Variants in SGCZ observed in about 807,000 individuals in gnomAD.
The protein encoded by SGCZ is zeta-sarcoglycan.
In SGCZ, 40 loss-of-function variants were observed where a neutral mutation model predicts 41.3. The ratio of observed to expected loss-of-function variants is 0.97; its 90% CI spans 0.75 to 1.26. The LOEUF (loss-of-function observed/expected upper bound fraction) is 1.26. Among genes scored for constraint, SGCZ ranks in the 50% most tolerant of loss-of-function variants. The pLI is 0.00. For missense variants in SGCZ, 552 were observed against 369.8 expected (o/e 1.49, Z -4.04); for synonymous variants, 206 against 137.5 (o/e 1.50, Z -3.49).
At chr8:14,781,258 G>T (rs1468023569) in intron 1 of SGCZ, among the ~76,000 whole-genome samples, 5 of 152,008 alleles carry the variant, frequency 3.3e-5, no homozygotes, top group Non-Finnish European at 5.9e-5. Context: ...TTGAGACAAG[G>T]TCTCATTGTG....
intron 1 of SGCZ, among the ~76,000 whole-genome samples, chr8:14,619,972 G>T (rs565147255): frequency 3.3e-5 from 5 of 152,124 alleles, no homozygotes; most frequent in Non-Finnish European, 7.3e-5. Context: ...AAAAGGGCCC[G>T]CATTGCCAAG....
intron 1 of SGCZ, among the ~76,000 whole-genome samples, chr8:14,657,918 A>C (rs1807626808): frequency 6.6e-6 from 1 of 152,156 alleles, no homozygotes; most frequent in African/African-American, 2.4e-5. Context: ...TCAAATGTAG[A>C]ATTATTTACT....
At chr8:14,738,242 C>G (rs1169922705) in intron 1 of SGCZ, among the ~76,000 whole-genome samples, 3 of 152,000 alleles carry the variant, frequency 2.0e-5, no homozygotes, top group African/African-American at 7.2e-5. Context: ...ATCATCTTAT[C>G]TAATTGACAA....
chr8:15,208,250 C>T (rs1801132020), intron 1 of SGCZ, among the ~76,000 whole-genome samples: 1 of 152,140 alleles, frequency 6.6e-6, no homozygotes, highest in Admixed American at 6.5e-5. Context: ...CAGAACCAGG[C>T]TAGTGATGCC....
chr8:15,123,128 C>T (rs145900009), intron 1 of SGCZ, among the ~76,000 whole-genome samples: 2 of 152,236 alleles, frequency 1.3e-5, no homozygotes, highest in East Asian at 1.9e-4. Flanking sequence ...AAAGGGCTCA[C>T]CGTCATGACA....
At chr8:15,108,096 T>C (rs1455625319) in intron 1 of SGCZ, among the ~76,000 whole-genome samples, 1 of 152,214 alleles carries the variant, frequency 6.6e-6, no homozygotes, top group Non-Finnish European at 1.5e-5. Flanking sequence ...ATTTATGAAT[T>C]CTACTACTTT....
chr8:14,925,916 G>A (rs1279412579), intron 1 of SGCZ, among the ~76,000 whole-genome samples: 1 of 152,182 alleles, frequency 6.6e-6, no homozygotes, highest in African/African-American at 2.4e-5. Context: ...CATTTTATGG[G>A]CAGAATAGTG....
chr8:14,819,737 G>T (rs1802016973), intron 1 of SGCZ, among the ~76,000 whole-genome samples: 2 of 152,116 alleles, frequency 1.3e-5, no homozygotes, highest in South Asian at 2.1e-4. Context: ...TTGTAGAGAA[G>T]AGGGAAAAAT....
chr8:15,043,069 T>C (rs1804168453), intron 1 of SGCZ, among the ~76,000 whole-genome samples: 1 of 152,142 alleles, frequency 6.6e-6, no homozygotes, highest in South Asian at 2.1e-4. Flanking sequence ...ATGGTAACAC[T>C]CTCCATCCAG....
rs970441077 is a variant in SGCZ, at chr8:14,568,433, A to G, written c.40-13507T>C. On this transcript the variant is annotated intron_variant, in intron 1 of 7. Coordinates refer to ENST00000382080, the MANE Select transcript of SGCZ (RefSeq NM_139167.4). ...AATTGATCGTTTTGAAAAAAAAAAA[A>G]TACATTATCAGAAAAAAAAAAAAAA... 1.0e-4 allele frequency among the ~76,000 whole-genome samples: 13 copies of G among 130,018 alleles called. No homozygotes were observed. The East Asian group carries it at 1.4e-3, about 14-fold the overall frequency. The allele number at this position is 130,018 out of a possible 152,430, so 85.3% of individuals were successfully genotyped here. A position where few individuals can be genotyped will look rare whatever the true frequency, so the allele number is the denominator to read the frequency against.
chr8:14,529,330 T>C lies in SGCZ; in HGVS notation c.234+25402A>G, dbSNP rs554359583. 1.2e-4 allele frequency among the ~76,000 whole-genome samples: 19 copies of C among 152,310 alleles called. No homozygotes were observed. The South Asian group carries it at 3.9e-3, about 32-fold the overall frequency. ...ACCTGCTTGACTCCTTCTACTTATA[T>C]GCCCTGTATTCCTGCTGACTACAAT... On this transcript the variant is annotated intron_variant, in intron 2 of 7. Coordinates refer to ENST00000382080, the MANE Select transcript of SGCZ (RefSeq NM_139167.4).
chr8:14,531,792 C>T (rs12541731), intron 2 of SGCZ, among the ~76,000 whole-genome samples: 15,171 of 152,022 alleles, frequency 0.1, 1,138 homozygotes, highest in East Asian at 0.39. Flanking sequence ...AGACCATCCA[C>T]TAGGAATGTC....
intron 2 of SGCZ, among the ~76,000 whole-genome samples, chr8:14,514,609 T>C (rs1476153046): frequency 1.3e-5 from 2 of 150,292 alleles, no homozygotes; most frequent in Non-Finnish European, 3.0e-5. Context: ...TATATATCTC[T>C]CACATATATT....
intron 1 of SGCZ, among the ~76,000 whole-genome samples, chr8:15,051,755 T>C (rs990282732): frequency 2.0e-5 from 3 of 152,232 alleles, no homozygotes; most frequent in African/African-American, 7.2e-5. Context: ...AATTCATGTT[T>C]ATTTAAAAGC....
intron 2 of SGCZ, among the ~76,000 whole-genome samples, chr8:14,473,664 G>A (rs544844740): frequency 1.5e-4 from 23 of 152,196 alleles, no homozygotes; most frequent in South Asian, 4.2e-4. Context: ...GCGGCCGGGC[G>A]AGGTGTCTCA....
intron 2 of SGCZ, among the ~76,000 whole-genome samples, chr8:14,439,494 A>T (rs1022088094): frequency 6.6e-6 from 1 of 151,764 alleles, no homozygotes; most frequent in African/African-American, 2.4e-5. Flanking sequence ...CAGAAAACAC[A>T]TATCAATATT....
At chr8:14,163,906 G>A (rs551183956) in intron 5 of SGCZ, among the ~76,000 whole-genome samples, 4 of 152,138 alleles carry the variant, frequency 2.6e-5, no homozygotes, top group Admixed American at 2.6e-4. Flanking sequence ...ACTTTCAAGG[G>A]ATTGTTAAAT....
At chr8:14,748,314 T>C (rs1242438116) in intron 1 of SGCZ, among the ~76,000 whole-genome samples, 3 of 152,180 alleles carry the variant, frequency 2.0e-5, no homozygotes, top group Non-Finnish European at 4.4e-5. Flanking sequence ...ATGCCCATGC[T>C]TTTAACTATT....
At chr8:14,378,604 C>G (rs564592010) in intron 2 of SGCZ, among the ~76,000 whole-genome samples, 35 of 152,224 alleles carry the variant, frequency 2.3e-4, no homozygotes, top group African/African-American at 8.4e-4. Flanking sequence ...ACAACCCCAT[C>G]AAAAAGTGGG....
Sources: allele counts gnomAD v4.1 joint callset (sites outside exome capture counted in the v4.1 genomes callset), GRCh38; gene constraint gnomAD v4.1.1; transcripts MANE v1.5; gene names NCBI Gene and HGNC (gene_info 2026-07-23, HGNC 2026-07-21).